The following EML5 variants were observed in gnomAD, a reference collection of about 807,000 sequenced individuals.
The protein encoded by EML5 is EMAP like 5.
A neutral mutation model predicts 250.0 loss-of-function variants in EML5; 120 were observed. The observed-to-expected ratio is 0.48, with a 90% CI of 0.41 to 0.56. The LOEUF (loss-of-function observed/expected upper bound fraction) is 0.56, where lower values mean the gene tolerates loss of function less well. Among genes scored for constraint, EML5 ranks in the 20% least tolerant of loss-of-function variants. The pLI is 0.00. For synonymous variants in EML5, 771 were observed against 806.5 expected (o/e 0.96, Z 0.75); for missense variants, 2,006 against 2,437.6 (o/e 0.82, Z 3.73).
chr14:88,720,095 C>G (rs1334081397), intron 8 of EML5, among the ~76,000 whole-genome samples: 1 of 152,006 alleles, frequency 6.6e-6, no homozygotes, highest in Non-Finnish European at 1.5e-5. Context: ...CAGGAAGAAG[C>G]TGAATCCCTA....
Position 88,621,536 on chromosome 14 carries a change from T to A in EML5, c.5014-235A>T, listed in dbSNP as rs1367461086. The A allele has an allele frequency of 1.6e-5, 9 of 546,726 alleles. No homozygotes were observed. The South Asian group carries it at 1.8e-4, about 11-fold the overall frequency. 33.9% of individuals were successfully genotyped at this position (546,726 alleles called of 1,614,324 possible). ...AGTCCATGCTACAGAATAGAACTTT[T>A]CTGTGGCAGTACACCTGGATTCTTC... On this transcript the variant is annotated intron_variant, in intron 37 of 43. Coordinates refer to ENST00000554922, the MANE Select transcript of EML5 (RefSeq NM_183387.3).
At chr14:88,647,708 A>AAAAAAAAAAAAAAAAAAAAAC in intron 28 of EML5, among the ~76,000 whole-genome samples, 1 of 151,400 alleles carries the variant, frequency 6.6e-6, no homozygotes, top group African/African-American at 2.4e-5. Context: ...AAAAAAAAAA[A>AAAAAAAAAAAAAAAAAAAAAC]AAGGGTTACT....
At chr14:88,668,042 T>C (rs968166393) in intron 21 of EML5, among the ~76,000 whole-genome samples, 7 of 152,224 alleles carry the variant, frequency 4.6e-5, no homozygotes, top group African/African-American at 1.7e-4. Flanking sequence ...AATGTTCTGG[T>C]GGCAGCCACA....
chr14:88,641,147 C>G (rs111576088), intron 31 of EML5, among the ~76,000 whole-genome samples: 3,037 of 152,074 alleles, frequency 0.02, 98 homozygotes, highest in African/African-American at 0.066. Flanking sequence ...AAGCCCTGGA[C>G]CAGATGGATT....
At chr14:88,659,891 A>G (rs1399440072) in intron 25 of EML5, among the ~76,000 whole-genome samples, 1 of 152,210 alleles carries the variant, frequency 6.6e-6, no homozygotes, top group Admixed American at 6.5e-5. Context: ...GGAACTGAAT[A>G]CCACAATATC....
intron 14 of EML5, among the ~76,000 whole-genome samples, chr14:88,700,034 C>T (rs543164441): frequency 8.5e-5 from 13 of 152,080 alleles, no homozygotes; most frequent in Non-Finnish European, 1.8e-4. Flanking sequence ...ACATTGTGAG[C>T]TCCCGATAGT....
chr14:88,711,536 C>T (rs1764110572), intron 10 of EML5, among the ~76,000 whole-genome samples: 1 of 151,688 alleles, frequency 6.6e-6, no homozygotes, highest in Admixed American at 6.6e-5. Flanking sequence ...TGAGAATTCA[C>T]TCACTATCAC....
chr14:88,686,397 T>TATA (rs914570247), intron 19 of EML5, among the ~76,000 whole-genome samples: 2 of 151,384 alleles, frequency 1.3e-5, no homozygotes, highest in African/African-American at 4.9e-5. Flanking sequence ...GAACTCAAGG[T>TATA]ATAATAATAA....
intron 3 of EML5, among the ~76,000 whole-genome samples, 182 bp from the exon 4 acceptor site, chr14:88,744,273 T>C (rs1397336070): frequency 1.3e-5 from 2 of 151,918 alleles, no homozygotes; most frequent in Non-Finnish European, 2.9e-5. Flanking sequence ...TGATAAGAAA[T>C]AAAAAGCATT....
At chr14:88,616,456 C>G in intron 42 of EML5, 1 of 613,758 alleles carries the variant, frequency 1.6e-6, no homozygotes, top group Non-Finnish European at 2.8e-6. Flanking sequence ...GACCATTTTT[C>G]TCTAAGGAAA....
Position 88,731,077 on chromosome 14 carries a change from T to A in EML5, c.1050-4399A>T, listed in dbSNP as rs144001230. Among the ~76,000 whole-genome samples the A allele has an allele frequency of 5.7e-3, 864 of 152,256 alleles. 7 individuals carry two copies. Among genetic ancestry groups the A allele is most frequent in the Non-Finnish European group, 9.1e-3 (622 of 68,016 alleles). ...ACAGCTGCTTTAATGTCTTTTTATA[T>A]TATTATTATGCTTTGAAGTTCTAGG... On this transcript the variant is annotated intron_variant, in intron 7 of 43. Transcript: ENST00000554922.
intron 9 of EML5, among the ~76,000 whole-genome samples, chr14:88,714,566 A>C (rs916327968): frequency 3.9e-5 from 6 of 152,168 alleles, no homozygotes; most frequent in African/African-American, 1.2e-4. Context: ...CACACACACA[A>C]AAATGGTAAC....
intron 10 of EML5, among the ~76,000 whole-genome samples, chr14:88,711,467 G>A (rs1304541187): frequency 2.2e-5 from 3 of 135,392 alleles, no homozygotes; most frequent in Non-Finnish European, 4.6e-5. Flanking sequence ...AGGGTGGCAT[G>A]AAGGAGAAGT....
chr14:88,775,413 C>T (rs980770299), intron 1 of EML5, among the ~76,000 whole-genome samples: 3 of 152,186 alleles, frequency 2.0e-5, no homozygotes, highest in African/African-American at 7.2e-5. Flanking sequence ...CCAGACCAGG[C>T]AGCATTCACC....
At chr14:88,622,456 A>G in intron 37 of EML5, 148 bp downstream of exon 37, 1 of 574,774 alleles carries the variant, frequency 1.7e-6, no homozygotes, top group Non-Finnish European at 2.7e-6. Context: ...TTGGCAAAGA[A>G]AGCAGCAAAG....
intron 33 of EML5, among the ~76,000 whole-genome samples, chr14:88,632,542 C>T (rs185709992): frequency 6.6e-6 from 1 of 152,248 alleles, no homozygotes; most frequent in East Asian, 1.9e-4. Flanking sequence ...GTCACACTGA[C>T]CTTCCAGTTT....
chr14:88,722,368 T>A (rs1215515488), intron 8 of EML5, among the ~76,000 whole-genome samples: 2 of 152,172 alleles, frequency 1.3e-5, no homozygotes, highest in Non-Finnish European at 2.9e-5. Context: ...TCCACCCAAA[T>A]GCCCATCAAT....
chr14:88,715,257 C>T (rs755973252), intron 8 of EML5, 62 bp from the exon 9 acceptor site: 165 of 1,454,640 alleles, frequency 1.1e-4, no homozygotes, highest in Non-Finnish European at 1.5e-4. Context: ...AATGCCGTTT[C>T]AAACATGTCT....
At chr14:88,714,867 C>T (rs2093466847) in intron 9 of EML5, 72 bp downstream of exon 9, 1 of 1,425,260 alleles carries the variant, frequency 7.0e-7, no homozygotes, top group East Asian at 2.3e-5. Flanking sequence ...ATGTAACTTA[C>T]ACTCTGCTTC....
Sources: allele counts gnomAD v4.1 joint callset (sites outside exome capture counted in the v4.1 genomes callset), GRCh38; gene constraint gnomAD v4.1.1; transcripts MANE v1.5; gene names NCBI Gene and HGNC (gene_info 2026-07-23, HGNC 2026-07-21).